CDH4: variants seen among roughly 807,000 people sequenced by gnomAD.
CDH4 encodes the protein cadherin 4.
CDH4 carries 33 observed loss-of-function variants against 86.0 expected under a neutral mutation model. The ratio of observed to expected loss-of-function variants is 0.38; its 90% CI spans 0.29 to 0.51. The LOEUF (loss-of-function observed/expected upper bound fraction) is 0.51, where lower values mean the gene tolerates loss of function less well. Among genes scored for constraint, CDH4 ranks in the 20% least tolerant of loss-of-function variants. CDH4 has a pLI of 0.86. For missense variants in CDH4, 1,114 were observed against 1,307.4 expected (o/e 0.85, Z 2.28); for synonymous variants, 555 against 549.4 (o/e 1.01, Z -0.14).
At chr20:61,605,616 T>TCTCTCTGTCTCC (rs1179716585) in intron 2 of CDH4, among the ~76,000 whole-genome samples, 4 of 152,062 alleles carry the variant, frequency 2.6e-5, no homozygotes, top group Non-Finnish European at 5.9e-5. Flanking sequence ...TTTCTGTCTC[T>TCTCTCTGTCTCC]CTCTCTGTCT....
chr20:61,700,745 GTGTCTTCTTCA>G (rs931100785), intron 2 of CDH4, among the ~76,000 whole-genome samples: 11 of 152,180 alleles, frequency 7.2e-5, no homozygotes, highest in African/African-American at 1.4e-4. Flanking sequence ...GTCTTCATGG[GTGTCTTCTTCA>G]TGTCTTCTTC....
chr20:61,512,377 C>T (rs2085786587), intron 2 of CDH4, among the ~76,000 whole-genome samples: 1 of 152,144 alleles, frequency 6.6e-6, no homozygotes, highest in Admixed American at 6.5e-5. Flanking sequence ...CAGTGAGACC[C>T]GATCATTTCA....
intron 4 of CDH4, among the ~76,000 whole-genome samples, chr20:61,775,485 A>G (rs558579749): frequency 6.6e-6 from 1 of 152,320 alleles, no homozygotes; most frequent in South Asian, 2.1e-4. Flanking sequence ...TTGTGACCAT[A>G]CAGCTTCTGT....
chr20:61,516,721 G>A lies in CDH4; in HGVS notation c.170-226842G>A, dbSNP rs888738054. Among the ~76,000 whole-genome samples the A allele has an allele frequency of 4.6e-5, 7 of 152,142 alleles. No individual in the cohort carries two copies. The highest frequency in any genetic ancestry group is 1.4e-4 in the African/African-American group (6 of 41,420). On this transcript the variant is annotated intron_variant, in intron 2 of 15. Coordinates refer to ENST00000614565, the MANE Select transcript of CDH4 (RefSeq NM_001794.5). This position sits in a 1 kb window ranked among gnomAD's most constrained non-coding sequence, Gnocchi z 4.0. ...GGCTCAGGGTGCAATGTCAAACCGC[G>A]GCCCTGCCCGAGAGCAGGCACTAAA...
chr20:61,272,250 C>T (rs1201707544), intron 2 of CDH4, among the ~76,000 whole-genome samples: 6 of 152,282 alleles, frequency 3.9e-5, no homozygotes, highest in Admixed American at 6.5e-5. Context: ...CATAAAAAGT[C>T]CCCCAGTGGC....
rs1276516958 is a variant in CDH4, at chr20:61,501,664, G to C, written c.170-241899G>C. ...ACACAGAAGCAGCGTGTTCCGGAAA[G>C]CATGCCGTGCCCTGTGAACTAGAAG... On this transcript the variant is annotated intron_variant, in intron 2 of 15. Coordinates refer to ENST00000614565, the MANE Select transcript of CDH4 (RefSeq NM_001794.5). This position sits in a 1 kb window ranked among gnomAD's most constrained non-coding sequence, Gnocchi z 4.2. Among the ~76,000 whole-genome samples, 2 of 152,136 alleles carry C rather than the reference G, an allele frequency of 1.3e-5. No homozygotes were observed.
At chr20:61,936,621 C>T (rs1455125323) in intron 15 of CDH4, 116 bp from the exon 16 acceptor site, 1 of 752,506 alleles carries the variant, frequency 1.3e-6, no homozygotes, top group South Asian at 2.5e-5. Context: ...TGGACACCTA[C>T]TTTATGCAAC....
chr20:61,769,599 G>A (rs942197656), intron 3 of CDH4, among the ~76,000 whole-genome samples: 6 of 152,314 alleles, frequency 3.9e-5, no homozygotes, highest in Admixed American at 2.0e-4. Context: ...CCTGGCGTCC[G>A]AATCCTGCCT....
At chr20:61,545,157 C>T (rs754799135) in intron 2 of CDH4, among the ~76,000 whole-genome samples, 15 of 152,214 alleles carry the variant, frequency 9.9e-5, no homozygotes, top group Non-Finnish European at 1.6e-4. Flanking sequence ...GCAAGCTCTG[C>T]CACGCAGCAT....
intron 15 of CDH4, among the ~76,000 whole-genome samples, chr20:61,936,286 C>T (rs2055182641): frequency 7.5e-6 from 1 of 134,034 alleles, no homozygotes; most frequent in African/African-American, 2.9e-5. Flanking sequence ...CCCACACCCC[C>T]CTGCCCTTCC....
intron 4 of CDH4, among the ~76,000 whole-genome samples, chr20:61,818,886 G>A (rs912487860): frequency 7.2e-5 from 11 of 152,020 alleles, no homozygotes; most frequent in African/African-American, 1.9e-4. Context: ...GACGCATGTC[G>A]TCCTAACTGA....
intron 2 of CDH4, among the ~76,000 whole-genome samples, chr20:61,545,651 C>T (rs566823681): frequency 1.6e-4 from 24 of 152,224 alleles, no homozygotes; most frequent in Non-Finnish European, 8.8e-5. Flanking sequence ...CTGGCAGAGC[C>T]GTCAAGAGAA....
chr20:61,411,215 C>T (rs759579638), intron 2 of CDH4, among the ~76,000 whole-genome samples: 1 of 151,590 alleles, frequency 6.6e-6, no homozygotes, highest in Non-Finnish European at 1.5e-5. Flanking sequence ...CCTGCTTTCA[C>T]GGGTCTAATG....
chr20:61,921,707 A>G (rs1181450622), intron 9 of CDH4, among the ~76,000 whole-genome samples: 2 of 140,082 alleles, frequency 1.4e-5, no homozygotes, highest in African/African-American at 2.7e-5. Context: ...AGCCGAGATC[A>G]TGCCACTGCA....
chr20:61,610,967 C>T lies in CDH4; in HGVS notation c.170-132596C>T, dbSNP rs184615215. Among the ~76,000 whole-genome samples the T allele has an allele frequency of 2.6e-3, 389 of 151,178 alleles. 7 individuals are homozygous for T. The highest frequency in any genetic ancestry group is 0.022 in the Admixed American group (335 of 15,284). ...GGCCAGGGCTCAGAATCCAGAAGAC[C>T]GTCTGGTGGCCCAGACGGCCATGCC... On this transcript the variant is annotated intron_variant, in intron 2 of 15. Transcript: ENST00000614565.
At chr20:61,442,219 C>T (rs971299891) in intron 2 of CDH4, among the ~76,000 whole-genome samples, 2 of 152,166 alleles carry the variant, frequency 1.3e-5, no homozygotes, top group Non-Finnish European at 2.9e-5. Context: ...AAATCCCAAA[C>T]GCAGGGCAAG....
At chr20:61,642,886 A>G (rs978736694) in intron 2 of CDH4, among the ~76,000 whole-genome samples, 2 of 151,462 alleles carry the variant, frequency 1.3e-5, no homozygotes, top group Non-Finnish European at 2.9e-5. Context: ...CGCATCTCCT[A>G]CTCTGATTTT....
intron 6 of CDH4, among the ~76,000 whole-genome samples, chr20:61,854,335 G>C (rs1982882510): frequency 6.6e-6 from 1 of 152,206 alleles, no homozygotes; most frequent in African/African-American, 2.4e-5. Context: ...CGGTCCCTGG[G>C]CTATAGTGTG....
At chr20:61,526,051 A>G (rs774794491) in intron 2 of CDH4, among the ~76,000 whole-genome samples, 59 of 152,174 alleles carry the variant, frequency 3.9e-4, no homozygotes, top group African/African-American at 9.9e-4. Flanking sequence ...CCAAGAACAC[A>G]TGGTCTCCCA....
Sources: gnomAD v4.1 joint callset for allele counts (sites outside exome capture counted in the v4.1 genomes callset) on GRCh38, gnomAD v4.1.1 for gene constraint, Gnocchi (gnomAD v3.1) non-coding constraint, MANE v1.5 for transcripts, NCBI Gene and HGNC (gene_info 2026-07-23, HGNC 2026-07-21) for gene names.